Variants in TENM4 observed in about 807,000 individuals in gnomAD.
TENM4 encodes teneurin-4.
A neutral mutation model predicts 243.3 loss-of-function variants in TENM4; 82 were observed. The observed-to-expected ratio is 0.34, with a 90% CI of 0.28 to 0.40. TENM4 has a LOEUF of 0.40. Ranked by LOEUF, TENM4 falls within the 10% of genes least tolerant of loss-of-function variation. The probability of loss-of-function intolerance (pLI) is 1.00; values close to 1 mark genes in which losing one functional copy is unlikely to be tolerated. For missense variants in TENM4, 3,138 were observed against 3,673.3 expected, an observed-to-expected ratio of 0.85 and a Z score of 3.77; for synonymous variants, 1,412 against 1,456.3, an observed-to-expected ratio of 0.97 and a Z score of 0.69.
At chr11:78,662,794 A>G (rs150321083) in intron 32 of TENM4, among the ~76,000 whole-genome samples, 7 of 152,330 alleles carry the variant, frequency 4.6e-5, no homozygotes, top group East Asian at 3.9e-4. Flanking sequence ...ATGGGCATGA[A>G]TAACATTGAT....
chr11:79,202,983 A>G (rs948309864), intron 3 of TENM4, among the ~76,000 whole-genome samples: 2 of 152,252 alleles, frequency 1.3e-5, no homozygotes, highest in Admixed American at 1.3e-4. Flanking sequence ...GGGTATTAAT[A>G]ATCTCATTTT....
At chr11:79,423,368 C>G (rs1009073327) in intron 1 of TENM4, among the ~76,000 whole-genome samples, 13 of 151,688 alleles carry the variant, frequency 8.6e-5, no homozygotes, top group Non-Finnish European at 1.6e-4. Flanking sequence ...CAAAGTTCCA[C>G]TAAAGAGTCA....
chr11:79,330,597 A>G (rs1357333362), intron 1 of TENM4, among the ~76,000 whole-genome samples: 1 of 152,166 alleles, frequency 6.6e-6, no homozygotes. Flanking sequence ...CCACATTAAC[A>G]CCCTCCAAGG....
chr11:78,967,744 G>A (rs926814404), intron 6 of TENM4, among the ~76,000 whole-genome samples: 1 of 152,158 alleles, frequency 6.6e-6, no homozygotes, highest in East Asian at 1.9e-4. Context: ...TGCTTCTACT[G>A]TGTTTGTAGT....
At chr11:78,873,204 G>C (rs1369572312) in intron 9 of TENM4, among the ~76,000 whole-genome samples, 1 of 152,106 alleles carries the variant, frequency 6.6e-6, no homozygotes, top group African/African-American at 2.4e-5. Context: ...ACTCATATGT[G>C]AGTTACCTCT....
At chr11:79,161,285 TG>T (rs970833773) in intron 3 of TENM4, among the ~76,000 whole-genome samples, 3 of 152,206 alleles carry the variant, frequency 2.0e-5, no homozygotes, top group African/African-American at 7.2e-5. Context: ...ACTTCCCTTA[TG>T]GGAACACTCT....
chr11:78,854,217 G>C lies in TENM4; in HGVS notation c.1568C>G (p.Pro523Arg), dbSNP rs79508298. The C allele has an allele frequency of 3.9e-4, 608 of 1,551,598 alleles. 2 individuals are homozygous for C. In the African/African-American group the frequency reaches 7.6e-3, roughly 19 times the overall value. ...GATGAAGCCTGTCTCATGGCTGGAG[G>C]GGGGCACAGTTCCCCGAGACTGGCG... ...TPRQSRGTVP[P>R]SSHETGFIQY... The change falls in exon 12 of 34, where the codon CCC becomes CGC. Residue 523 changes from proline to arginine, a missense_variant. Coordinates refer to ENST00000278550, the MANE Select transcript of TENM4 (RefSeq NM_001098816.3).
intron 17 of TENM4, among the ~76,000 whole-genome samples, chr11:78,772,003 T>C (rs1856655403): frequency 6.6e-6 from 1 of 152,146 alleles, no homozygotes; most frequent in Non-Finnish European, 1.5e-5. Flanking sequence ...GGAGACAAAT[T>C]TATGTAGGCA....
intron 4 of TENM4, among the ~76,000 whole-genome samples, chr11:79,110,054 G>A (rs1415888224): frequency 2.6e-5 from 4 of 152,146 alleles, no homozygotes; most frequent in South Asian, 2.1e-4. Flanking sequence ...CTTATTCACC[G>A]AAACCTAGTT....
intron 6 of TENM4, among the ~76,000 whole-genome samples, chr11:78,909,616 CAGCCCCAGGG>C (rs536835638): frequency 5.7e-4 from 87 of 152,230 alleles, no homozygotes; most frequent in Middle Eastern, 3.4e-3. Flanking sequence ...GCATACGCCA[CAGCCCCAGGG>C]AGCACCACAG....
chr11:79,224,870 G>C (rs1480111498), intron 2 of TENM4, among the ~76,000 whole-genome samples: 2 of 151,788 alleles, frequency 1.3e-5, no homozygotes, highest in African/African-American at 2.4e-5. Context: ...AGAATCACTT[G>C]AACCTAGAAG....
chr11:79,190,635 C>T (rs551421868), intron 3 of TENM4, among the ~76,000 whole-genome samples: 1 of 151,688 alleles, frequency 6.6e-6, no homozygotes, highest in Non-Finnish European at 1.5e-5. Flanking sequence ...AGGTTCTGGC[C>T]GAATAAATGT....
chr11:78,889,722 G>A (rs180894779), intron 9 of TENM4, 63 bp downstream of exon 9: 302 of 1,503,474 alleles, frequency 2.0e-4, no homozygotes, highest in Admixed American at 1.1e-3. Flanking sequence ...GCCCACACGT[G>A]TCTTGGTTGC....
intron 25 of TENM4, among the ~76,000 whole-genome samples, chr11:78,713,875 G>T (rs1859460242): frequency 6.6e-6 from 1 of 152,050 alleles, no homozygotes; most frequent in Non-Finnish European, 1.5e-5. Context: ...AGTTGAACTT[G>T]GTGCTTCTGA....
chr11:79,340,671 G>T (rs1857227295), intron 1 of TENM4, among the ~76,000 whole-genome samples: 1 of 152,068 alleles, frequency 6.6e-6, no homozygotes, highest in Non-Finnish European at 1.5e-5. Context: ...TCCATGGCAG[G>T]CTTTCCTTCT....
chr11:78,933,954 G>C (rs778447622), intron 6 of TENM4, among the ~76,000 whole-genome samples: 6 of 152,284 alleles, frequency 3.9e-5, no homozygotes, highest in Admixed American at 1.3e-4. Context: ...TGGGGAAAGG[G>C]GGGGACAAGA....
chr11:79,162,401 T>C (rs190373565), intron 3 of TENM4, among the ~76,000 whole-genome samples: 56 of 152,282 alleles, frequency 3.7e-4, no homozygotes, highest in Non-Finnish European at 6.8e-4. Context: ...GTTTGACAAA[T>C]AGGAAATACT....
At chr11:79,209,186 C>A (rs1863907309) in intron 3 of TENM4, among the ~76,000 whole-genome samples, 1 of 152,196 alleles carries the variant, frequency 6.6e-6, no homozygotes, top group Admixed American at 6.5e-5. Flanking sequence ...CACTGTGCAG[C>A]TTCCCTACTC....
intron 14 of TENM4, among the ~76,000 whole-genome samples, chr11:78,811,821 T>C (rs1315343173): frequency 6.6e-6 from 1 of 152,156 alleles, no homozygotes. Context: ...AACTATAAAG[T>C]AGAGATGATT....
Sources: gnomAD v4.1 joint callset for allele counts (sites outside exome capture counted in the v4.1 genomes callset) on GRCh38, gnomAD v4.1.1 for gene constraint, MANE v1.5 for transcripts, NCBI Gene and HGNC (gene_info 2026-07-23, HGNC 2026-07-21) for gene names.